Variants in ST8SIA6 observed in about 807,000 individuals in gnomAD.
The protein encoded by ST8SIA6 is alpha-2,8-sialyltransferase 8F.
In ST8SIA6, 39 loss-of-function variants were observed where a neutral mutation model predicts 33.6. That is an observed-to-expected ratio of 1.16 (90% confidence interval 0.90 to 1.52). The LOEUF is 1.52. Ranked by LOEUF, ST8SIA6 falls within the 40% of genes most tolerant of loss-of-function variation. ST8SIA6 has a pLI of 0.00. For synonymous variants in ST8SIA6, 172 were observed against 167.2 expected (o/e 1.03, Z -0.22); for missense variants, 441 against 443.8 (o/e 0.99, Z 0.06).
chr10:17,324,737 AC>A (rs1848066334), intron 6 of ST8SIA6, among the ~76,000 whole-genome samples: 1 of 142,846 alleles, frequency 7.0e-6, no homozygotes, highest in African/African-American at 2.9e-5. Context: ...ACACACACAC[AC>A]AAACAGTAGT....
intron 2 of ST8SIA6, among the ~76,000 whole-genome samples, chr10:17,402,187 A>G (rs1342750913): frequency 2.0e-5 from 3 of 152,360 alleles, no homozygotes; most frequent in Admixed American, 6.5e-5. Context: ...AATGCTCATC[A>G]TCACTGGCCA....
chr10:17,401,272 A>C (rs544265066), intron 2 of ST8SIA6, among the ~76,000 whole-genome samples: 2 of 152,326 alleles, frequency 1.3e-5, no homozygotes, highest in Admixed American at 1.3e-4. Flanking sequence ...TGCTCAACTA[A>C]ATAAAAGAGG....
chr10:17,371,653 G>T (rs192756635), intron 3 of ST8SIA6, among the ~76,000 whole-genome samples: 529 of 151,780 alleles, frequency 3.5e-3, no homozygotes, highest in Non-Finnish European at 5.8e-3. Context: ...GGGCGTGGTG[G>T]TGCACGCCTA....
At chr10:17,365,482 A>G (rs2131624976) in intron 3 of ST8SIA6, among the ~76,000 whole-genome samples, 1 of 152,276 alleles carries the variant, frequency 6.6e-6, no homozygotes, top group South Asian at 2.1e-4. Flanking sequence ...ACAATTCATA[A>G]GTTTAAAATC....
At chr10:17,374,764 T>TATATATATATATATATATACATACAC (rs1441288579) in intron 3 of ST8SIA6, among the ~76,000 whole-genome samples, 2 of 126,848 alleles carry the variant, frequency 1.6e-5, no homozygotes, top group Non-Finnish European at 3.3e-5. Flanking sequence ...TATATATATA[T>TATATATATATATATATATACATACAC]ATATTTAGCT....
chr10:17,345,404 C>T (rs1009676084), intron 4 of ST8SIA6, among the ~76,000 whole-genome samples: 1 of 152,150 alleles, frequency 6.6e-6, no homozygotes, highest in Non-Finnish European at 1.5e-5. Flanking sequence ...GTCAAGAGCA[C>T]GTTGGAAGGT....
intron 2 of ST8SIA6, among the ~76,000 whole-genome samples, chr10:17,433,319 C>A (rs1852158174): frequency 2.6e-5 from 4 of 152,146 alleles, no homozygotes; most frequent in Admixed American, 2.0e-4. Flanking sequence ...TTGTTAAACA[C>A]CTGTGGTCCA....
At chr10:17,393,585 C>T (rs956200221) in intron 2 of ST8SIA6, among the ~76,000 whole-genome samples, 9 of 152,194 alleles carry the variant, frequency 5.9e-5, no homozygotes, top group Non-Finnish European at 1.2e-4. Flanking sequence ...AGCCACCCTC[C>T]TGTGTCCCCA....
Position 17,321,243 on chromosome 10 carries a change from C to T in ST8SIA6, c.832G>A (p.Gly278Ser), listed in dbSNP as rs998589027. Residue 278 changes from glycine to serine, a missense_variant, in exon 8 of 8, where the codon GGT becomes AGT. Transcript: ENST00000377602. ...GTGTAGTATACTTTGAAAGAGGTAC[C>T]CGTGTTGGCCCTGAAGGAAAATGCT... is the stretch of plus-strand genomic sequence containing the variant. ...LPAFSFRANT[G>S]TSFKVYYTLE... 1.2e-6 allele frequency: 2 copies of T among 1,613,794 alleles called. No individual in the cohort carries two copies. Among genetic ancestry groups the T allele is most frequent in the Admixed American group, 1.7e-5 (1 of 59,954 alleles).
chr10:17,396,136 A>C (rs974678509), intron 2 of ST8SIA6, among the ~76,000 whole-genome samples: 1 of 152,140 alleles, frequency 6.6e-6, no homozygotes, highest in South Asian at 2.1e-4. Context: ...CTCTGTTCAC[A>C]TGTCACTGTG....
intron 4 of ST8SIA6, among the ~76,000 whole-genome samples, chr10:17,345,945 G>A (rs11254539): frequency 0.18 from 27,946 of 152,090 alleles, 2,664 homozygotes; most frequent in African/African-American, 0.22. Context: ...CGCTTGAATC[G>A]GGGCTGGCCT....
At chr10:17,334,385 A>G (rs985015200) in intron 4 of ST8SIA6, among the ~76,000 whole-genome samples, 2 of 151,676 alleles carry the variant, frequency 1.3e-5, no homozygotes, top group African/African-American at 4.8e-5. Flanking sequence ...TAAAAATACA[A>G]AAAGTTAGCC....
intron 2 of ST8SIA6, among the ~76,000 whole-genome samples, chr10:17,432,826 T>A (rs1057237162): frequency 4.6e-5 from 7 of 152,220 alleles, no homozygotes; most frequent in African/African-American, 1.4e-4. Context: ...TTTTGGCCAA[T>A]CCCAGCGGCC....
intron 4 of ST8SIA6, among the ~76,000 whole-genome samples, chr10:17,335,516 ACTT>A (rs1371075651): frequency 2.6e-5 from 4 of 152,218 alleles, no homozygotes; most frequent in Non-Finnish European, 5.9e-5. Context: ...TTTTAAAAAT[ACTT>A]CTTATCAGTT....
At chr10:17,362,708 A>G (rs773116249) in intron 3 of ST8SIA6, among the ~76,000 whole-genome samples, 3 of 152,026 alleles carry the variant, frequency 2.0e-5, no homozygotes, top group African/African-American at 4.8e-5. Flanking sequence ...AACCTAGGAA[A>G]TGCATTTTAT....
At chr10:17,353,115 A>G (rs1227156791) in intron 4 of ST8SIA6, among the ~76,000 whole-genome samples, 1 of 152,194 alleles carries the variant, frequency 6.6e-6, no homozygotes, top group Non-Finnish European at 1.5e-5. Flanking sequence ...GGTTTTCTCC[A>G]AGAACTTTGT....
At chr10:17,411,812 C>G (rs896403778) in intron 2 of ST8SIA6, among the ~76,000 whole-genome samples, 6 of 152,180 alleles carry the variant, frequency 3.9e-5, no homozygotes, top group African/African-American at 1.4e-4. Context: ...ATCTGAAAAA[C>G]TAGGCTTTGT....
intron 3 of ST8SIA6, among the ~76,000 whole-genome samples, chr10:17,387,841 T>C (rs1434036075): frequency 1.3e-5 from 2 of 152,190 alleles, no homozygotes; most frequent in Non-Finnish European, 2.9e-5. Context: ...AACGCCAAGC[T>C]CTCAATTGCT....
intron 3 of ST8SIA6, among the ~76,000 whole-genome samples, chr10:17,363,445 T>C (rs1849460828): frequency 6.6e-6 from 1 of 152,228 alleles, no homozygotes; most frequent in Admixed American, 6.5e-5. Flanking sequence ...GAAAGGGGTT[T>C]ATATTGCTTG....
Sources: allele counts gnomAD v4.1 joint callset (sites outside exome capture counted in the v4.1 genomes callset), GRCh38; gene constraint gnomAD v4.1.1; transcripts MANE v1.5; gene names NCBI Gene and HGNC (gene_info 2026-07-23, HGNC 2026-07-21).